The following GSG1L variants were observed in gnomAD, a reference collection of about 807,000 sequenced individuals.
The protein encoded by GSG1L is germ cell-specific gene 1-like protein.
Under a neutral mutation model 42.1 loss-of-function variants are expected in GSG1L, and 24 were observed. That is an observed-to-expected ratio of 0.57 (90% CI 0.41 to 0.80). The LOEUF (loss-of-function observed/expected upper bound fraction) is 0.80. Ranked by LOEUF, GSG1L falls within the 30% of genes least tolerant of loss-of-function variation. The pLI is 0.00. For synonymous variants in GSG1L, 215 were observed against 203.5 expected (o/e 1.06, Z -0.48); for missense variants, 445 against 472.2 (o/e 0.94, Z 0.53).
intron 1 of GSG1L, among the ~76,000 whole-genome samples, chr16:28,056,748 C>T (rs1026082771): frequency 3.3e-5 from 5 of 152,002 alleles, no homozygotes; most frequent in Non-Finnish European, 7.4e-5. Flanking sequence ...GGGGGCAGCA[C>T]GATGTGACCG....
chr16:27,926,950 G>A (rs947815700), intron 2 of GSG1L, among the ~76,000 whole-genome samples: 1 of 152,028 alleles, frequency 6.6e-6, no homozygotes, highest in African/African-American at 2.4e-5. Flanking sequence ...AGGCTCGGAG[G>A]GTTTAGAAAT....
chr16:27,919,651 G>C (rs990827978), intron 2 of GSG1L, among the ~76,000 whole-genome samples: 4 of 152,306 alleles, frequency 2.6e-5, no homozygotes, highest in African/African-American at 9.6e-5. Flanking sequence ...GGCCAAGCCT[G>C]GACCGTGTGC....
At chr16:27,997,294 G>T (rs1021393992) in intron 1 of GSG1L, among the ~76,000 whole-genome samples, 7 of 149,948 alleles carry the variant, frequency 4.7e-5, no homozygotes. Context: ...GCCTACAGCT[G>T]GGAAGTGTTC....
chr16:27,871,390 C>T (rs2083818434), intron 3 of GSG1L, among the ~76,000 whole-genome samples: 1 of 152,188 alleles, frequency 6.6e-6, no homozygotes, highest in Admixed American at 6.5e-5. Context: ...ACCTGTAATC[C>T]AAGCACTTGA....
chr16:27,879,180 C>G (rs1243992954), intron 3 of GSG1L, among the ~76,000 whole-genome samples: 1 of 152,146 alleles, frequency 6.6e-6, no homozygotes, highest in Non-Finnish European at 1.5e-5. Flanking sequence ...AGGAGAGAGC[C>G]TTTATCACAT....
At position 27,804,037 on chromosome 16, in the gene GSG1L, G is replaced by GGATAGATACA. The variant is rs1555500773; in HGVS notation, c.898+3449_898+3450insTGTATCTATC. Among the ~76,000 whole-genome samples the GGATAGATACA allele has an allele frequency of 4.5e-3, 598 of 132,774 alleles. 8 individuals carry two copies. The highest frequency in any genetic ancestry group is 0.017 in the African/African-American group (547 of 32,332). 87.1% of individuals were successfully genotyped at this position (132,774 alleles called of 152,430 possible). On this transcript the variant is annotated intron_variant, in intron 6 of 6. Transcript: ENST00000447459. Reference sequence around the variant, plus strand: ...TGATGGATGAATAGATAGATTAGATGGATAGATAGATAGATAGATAGATAG... The same window carrying GGATAGATACA: ...TGATGGATGAATAGATAGATTAGATGGATAGATACAGATAGATAGATAGATAGATAGATAG...
At chr16:27,983,917 G>A (rs957657679) in intron 1 of GSG1L, among the ~76,000 whole-genome samples, 1 of 152,112 alleles carries the variant, frequency 6.6e-6, no homozygotes, top group African/African-American at 2.4e-5. Flanking sequence ...AACAATGTTT[G>A]ACTCCCGCAG....
At chr16:27,869,853 CTCTCTGTCTCTGTCTCCCTCCA>C in intron 3 of GSG1L, among the ~76,000 whole-genome samples, 1 of 144,836 alleles carries the variant, frequency 6.9e-6, no homozygotes, top group Non-Finnish European at 1.5e-5. Flanking sequence ...CTCTCCATCT[CTCTCTGTCTCTGTCTCCCTCCA>C]TCTCTCTGTC....
chr16:27,869,997 ATC>A (rs2083794883), intron 3 of GSG1L, among the ~76,000 whole-genome samples: 1 of 54,070 alleles, frequency 1.8e-5, no homozygotes, highest in African/African-American at 8.0e-5. Flanking sequence ...GCCTCTGTCC[ATC>A]TCTCTTTCCT....
At chr16:28,018,938 G>A (rs1383810754) in intron 1 of GSG1L, among the ~76,000 whole-genome samples, 1 of 152,158 alleles carries the variant, frequency 6.6e-6, no homozygotes, top group East Asian at 1.9e-4. Context: ...ATTCTCAGAT[G>A]AAGGAAGTCA....
chr16:28,047,303 T>C (rs1033275759), intron 1 of GSG1L, among the ~76,000 whole-genome samples: 2 of 152,022 alleles, frequency 1.3e-5, no homozygotes, highest in African/African-American at 2.4e-5. Context: ...AAAATGGAAG[T>C]CCAAGTATTA....
intron 1 of GSG1L, among the ~76,000 whole-genome samples, chr16:28,055,506 C>G (rs1292470152): frequency 6.6e-6 from 1 of 151,354 alleles, no homozygotes; most frequent in Admixed American, 6.6e-5. Context: ...GAGTCTTGCT[C>G]TGTCCCCCAG....
chr16:27,843,985 C>A (rs8046590), intron 4 of GSG1L, among the ~76,000 whole-genome samples: 50,103 of 152,016 alleles, frequency 0.33, 8,608 homozygotes, highest in East Asian at 0.45. Flanking sequence ...GAAGCCAGCC[C>A]AGCAACAAAG....
chr16:27,840,855 C>T (rs887531839), intron 4 of GSG1L, among the ~76,000 whole-genome samples: 2 of 152,206 alleles, frequency 1.3e-5, no homozygotes, highest in East Asian at 1.9e-4. Context: ...CACCGCCAGC[C>T]GGCACCAGCT....
At chr16:27,875,393 C>A (rs2083875415) in intron 3 of GSG1L, among the ~76,000 whole-genome samples, 1 of 152,096 alleles carries the variant, frequency 6.6e-6, no homozygotes, top group Non-Finnish European at 1.5e-5. Context: ...TCCTGGCATC[C>A]TTTTCCACTC....
At position 27,929,200 on chromosome 16, in the gene GSG1L, A is replaced by G. The variant is rs570975730; in HGVS notation, c.397+33956T>C. 2.0e-3 allele frequency among the ~76,000 whole-genome samples: 298 copies of G among 152,298 alleles called. 1 individual carries two copies. The highest frequency in any genetic ancestry group is 6.9e-3 in the African/African-American group (286 of 41,568). On this transcript the variant is annotated intron_variant, in intron 2 of 6. Coordinates refer to ENST00000447459, the MANE Select transcript of GSG1L (RefSeq NM_001109763.2). ...CTCCTGGGAAGGGACAGACGGTGAC[A>G]TCATAGTGTGTGGTGTGGACTCACC... is the stretch of plus-strand genomic sequence containing the variant.
chr16:28,016,723 G>A lies in GSG1L; in HGVS notation c.349+46353C>T, dbSNP rs117106048. On this transcript the variant is annotated intron_variant, in intron 1 of 6. Transcript: ENST00000447459. ...ATTTATTGAGAACTTACTGCATGTC[G>A]GCATTGTGCTAAATGACTTATTCAC... 8.2e-4 allele frequency among the ~76,000 whole-genome samples: 125 copies of A among 152,216 alleles called. No homozygotes were observed. In the East Asian group the frequency reaches 0.021, roughly 26 times the overall value.
At chr16:27,911,547 C>T (rs2084391307) in intron 2 of GSG1L, among the ~76,000 whole-genome samples, 1 of 152,146 alleles carries the variant, frequency 6.6e-6, no homozygotes. Flanking sequence ...CCACCTTGGC[C>T]TCCCATCCCT....
intron 3 of GSG1L, chr16:27,850,499 G>C (rs532401797): frequency 2.2e-6 from 1 of 455,726 alleles, no homozygotes; most frequent in Non-Finnish European, 4.4e-6. Flanking sequence ...ACTGTAGGAA[G>C]AGGAGAGAGA....
Sources: gnomAD v4.1 joint callset for allele counts (sites outside exome capture counted in the v4.1 genomes callset) on GRCh38, gnomAD v4.1.1 for gene constraint, MANE v1.5 for transcripts, NCBI Gene and HGNC (gene_info 2026-07-23, HGNC 2026-07-21) for gene names.